TLCD3B: variants seen among roughly 807,000 people sequenced by gnomAD.
The protein encoded by TLCD3B is TLC domain containing 3B.
In TLCD3B, 9 loss-of-function variants were observed where a neutral mutation model predicts 23.0. The ratio of observed to expected loss-of-function variants is 0.39; its 90% CI spans 0.24 to 0.68. The LOEUF is 0.68. Ranked by LOEUF, TLCD3B falls within the 30% of genes least tolerant of loss-of-function variation. The pLI, the probability that TLCD3B is intolerant of heterozygous loss-of-function variation, is 0.44. For missense variants in TLCD3B, 307 were observed against 371.8 expected (o/e 0.83, Z 1.43); for synonymous variants, 161 against 161.0 (o/e 1.00, Z 0.00).
intron 2 of TLCD3B, among the ~76,000 whole-genome samples, chr16:30,046,032 C>G (rs898157761): frequency 2.0e-5 from 3 of 152,058 alleles, no homozygotes; most frequent in African/African-American, 7.2e-5. Context: ...ATCGCTTGAG[C>G]TAGGGAGGTG....
At chr16:30,045,337 T>G in intron 2 of TLCD3B, among the ~76,000 whole-genome samples, 1 of 139,528 alleles carries the variant, frequency 7.2e-6, no homozygotes, top group Non-Finnish European at 1.5e-5. Flanking sequence ...GGTGTTTGTG[T>G]GTGTTTGTGT....
At chr16:30,031,701 G>T (rs2071364769), upstream of TLCD3B, among the ~76,000 whole-genome samples, 1 of 152,222 alleles carries the variant, frequency 6.6e-6, no homozygotes. Flanking sequence ...TCACCCGATG[G>T]CGGGGAAGGA....
At position 30,024,933 on chromosome 16, in the gene TLCD3B, G is replaced by T; in HGVS notation, c.*250C>A. 1 of 446,986 alleles carries T rather than the reference G, an allele frequency of 2.2e-6. No homozygotes were observed. The highest frequency in any genetic ancestry group is 4.8e-5 in the South Asian group (1 of 20,890). 27.7% of individuals were successfully genotyped at this position (446,986 alleles called of 1,614,324 possible). A position where few individuals can be genotyped will look rare whatever the true frequency, so the allele number is the denominator to read the frequency against. ...CCCACAAGCCCTCCTGCCCTCAGTG[G>T]GTGGGAGGCGGTGCCCCCTCCCCTC... On this transcript the variant is annotated 3_prime_UTR_variant, in exon 5 of 5. Coordinates refer to ENST00000380495, the MANE Select transcript of TLCD3B (RefSeq NM_031478.6).
chr16:30,044,026 T>C (rs533020198), intron 2 of TLCD3B, among the ~76,000 whole-genome samples: 1 of 150,000 alleles, frequency 6.7e-6, no homozygotes, highest in Non-Finnish European at 1.5e-5. Flanking sequence ...TTTTTTTTTT[T>C]AACTCTGTCT....
chr16:30,042,296 T>C (rs949873521), intron 2 of TLCD3B, among the ~76,000 whole-genome samples: 14 of 152,154 alleles, frequency 9.2e-5, no homozygotes, highest in Non-Finnish European at 1.6e-4. Context: ...TGGAGTGCAG[T>C]GGCACGATCT....
chr16:30,045,606 T>C (rs1158866479), intron 2 of TLCD3B, among the ~76,000 whole-genome samples: 1 of 113,036 alleles, frequency 8.8e-6, no homozygotes, highest in Non-Finnish European at 1.9e-5. Flanking sequence ...GTGTGTGTGT[T>C]TGTGTGGTGT....
intron 1 of TLCD3B, among the ~76,000 whole-genome samples, chr16:30,047,047 A>T (rs1396314665): frequency 1.3e-5 from 2 of 151,454 alleles, no homozygotes; most frequent in Non-Finnish European, 2.9e-5. Context: ...TGTAGCCTTG[A>T]ACTCCTGGGC....
chr16:30,044,751 A>T (rs1459089524), intron 2 of TLCD3B, among the ~76,000 whole-genome samples: 3 of 152,208 alleles, frequency 2.0e-5, no homozygotes, highest in Non-Finnish European at 4.4e-5. Flanking sequence ...GCAGCTGCTC[A>T]TTCTGAACTG....
chr16:30,044,371 G>A (rs988184264), intron 2 of TLCD3B, among the ~76,000 whole-genome samples: 3 of 151,694 alleles, frequency 2.0e-5, no homozygotes, highest in Admixed American at 6.6e-5. Flanking sequence ...GCAATGGTGC[G>A]ATCTCGGCTC....
intron 2 of TLCD3B, among the ~76,000 whole-genome samples, chr16:30,043,667 G>A (rs1457285950): frequency 6.6e-6 from 1 of 152,084 alleles, no homozygotes; most frequent in Non-Finnish European, 1.5e-5. Context: ...CAGGTTGTGC[G>A]TTTTGTTTTG....
At chr16:30,045,111 A>AAAG (rs2071641041) in intron 2 of TLCD3B, among the ~76,000 whole-genome samples, 1 of 150,998 alleles carries the variant, frequency 6.6e-6, no homozygotes, top group African/African-American at 2.4e-5. Context: ...AAAAAAAAAA[A>AAAG]AAAAAAAAGA....
At chr16:30,046,795 C>T (rs1336071564) in intron 1 of TLCD3B, among the ~76,000 whole-genome samples, 1 of 152,226 alleles carries the variant, frequency 6.6e-6, no homozygotes, top group Non-Finnish European at 1.5e-5. Context: ...TTCTGCCAGT[C>T]ACTAGCCTGG....
chr16:30,034,611 T>C (rs1477926068), upstream of TLCD3B, among the ~76,000 whole-genome samples: 2 of 151,968 alleles, frequency 1.3e-5, no homozygotes, highest in African/African-American at 2.4e-5. Context: ...TCCGAAAATA[T>C]TGGCCCACGT....
intron 1 of TLCD3B, among the ~76,000 whole-genome samples, chr16:30,049,433 A>G (rs1396473712): frequency 1.3e-5 from 2 of 152,108 alleles, no homozygotes; most frequent in Non-Finnish European, 2.9e-5. Flanking sequence ...GGAACTCTGC[A>G]TCTCTGATCT....
At chr16:30,049,996 TG>T (rs2071727028) in intron 1 of TLCD3B, among the ~76,000 whole-genome samples, 1 of 151,714 alleles carries the variant, frequency 6.6e-6, no homozygotes, top group African/African-American at 2.4e-5. Context: ...TCCCTTGTCT[TG>T]GCTTGCCTGG....
chr16:30,034,807 G>T (rs1474678615), upstream of TLCD3B, among the ~76,000 whole-genome samples: 1 of 152,136 alleles, frequency 6.6e-6, no homozygotes, highest in Non-Finnish European at 1.5e-5. Context: ...CACGAAGAAA[G>T]GAAAGTGGGG....
rs972698985 is a variant in TLCD3B, at chr16:30,025,529, C to T, written c.541-62G>A. 2 of 1,590,446 alleles carry T rather than the reference C, an allele frequency of 1.3e-6. No homozygotes were observed. The highest frequency in any genetic ancestry group is 2.7e-5 in the African/African-American group (2 of 74,322). On this transcript the variant is annotated intron_variant, in intron 4 of 4. Coordinates refer to ENST00000380495, the MANE Select transcript of TLCD3B (RefSeq NM_031478.6). This position sits in a 1 kb window ranked among gnomAD's most constrained non-coding sequence, Gnocchi z 4.1. Reference sequence around the variant, plus strand: ...AGGGCTCGGCCCCCCTTGGCCCTCTCCCTGCCTCCCTGCGACCCTAGCAGG... The same window carrying T: ...AGGGCTCGGCCCCCCTTGGCCCTCTTCCTGCCTCCCTGCGACCCTAGCAGG...
At position 30,025,365 on chromosome 16, in the gene TLCD3B, A is replaced by T. The variant is rs769439328; in HGVS notation, c.643T>A (p.Tyr215Asn). ...AGGGGCAGGCCGGCATGGCGCCCGT[A>T]GGCCCAGTACAGGTAGGGAAAGAGC... Reference protein sequence around the residue: ...VLLFPYLYWAYGRHAGLPLLA... With the variant: ...VLLFPYLYWANGRHAGLPLLA... Residue 215 changes from tyrosine to asparagine, a missense_variant, in exon 5 of 5, where the codon TAC (tyrosine) becomes AAC (asparagine). Tyr to Asn is a moderately radical substitution (Grantham distance 143). Coordinates refer to ENST00000380495, the MANE Select transcript of TLCD3B (RefSeq NM_031478.6). This position sits in a 1 kb window ranked among gnomAD's most constrained non-coding sequence, Gnocchi z 4.1. 1 of 1,604,144 alleles carries T rather than the reference A, an allele frequency of 6.2e-7. No individual in the cohort carries two copies. The highest frequency in any genetic ancestry group is 8.5e-7 in the Non-Finnish European group (1 of 1,175,404).
Position 30,026,691 on chromosome 16 carries a change from A to G in TLCD3B, c.362T>C (p.Ile121Thr). The change falls in exon 3 of 5, where the codon ATA (isoleucine) becomes ACA (threonine). Residue 121 changes from isoleucine to threonine, a missense_variant. By Grantham distance (89) the Ile-to-Thr change is moderately conservative (BLOSUM62 -1). Coordinates refer to ENST00000380495, the MANE Select transcript of TLCD3B (RefSeq NM_031478.6). ...AARAPGSTWA[I>T]ARGYLHKEFL... ...CTCCTTGTGCAGGTAGCCACGCGCT[A>G]TGGCCCACGTGCTGCCCGGGGCTCT... is the stretch of plus-strand genomic sequence containing the variant. 1 of 1,613,904 alleles carries G rather than the reference A, an allele frequency of 6.2e-7. No individual in the cohort carries two copies. The highest frequency in any genetic ancestry group is 8.5e-7 in the Non-Finnish European group (1 of 1,180,012).
Sources: gnomAD v4.1 joint callset for allele counts (sites outside exome capture counted in the v4.1 genomes callset) on GRCh38, gnomAD v4.1.1 for gene constraint, Gnocchi (gnomAD v3.1) non-coding constraint, MANE v1.5 for transcripts, NCBI Gene and HGNC (gene_info 2026-07-23, HGNC 2026-07-21) for gene names.